Variants in YWHAQ observed in about 807,000 individuals in gnomAD.
YWHAQ encodes 14-3-3 protein theta.
YWHAQ carries 6 observed loss-of-function variants against 28.3 expected under a neutral mutation model. The ratio of observed to expected loss-of-function variants is 0.21; its 90% confidence interval spans 0.12 to 0.42. The LOEUF (loss-of-function observed/expected upper bound fraction) is 0.42. YWHAQ is among the 10% of genes least tolerant of loss of function. The pLI, the probability that YWHAQ is intolerant of heterozygous loss-of-function variation, is 1.00. For synonymous variants in YWHAQ, 143 were observed against 119.1 expected, an observed-to-expected ratio of 1.20 and a Z score of -1.31; for missense variants, 201 against 305.6, an observed-to-expected ratio of 0.66 and a Z score of 2.55.
chr2:9,595,781 T>G (rs1666558095), intron 2 of YWHAQ, among the ~76,000 whole-genome samples: 1 of 151,806 alleles, frequency 6.6e-6, no homozygotes, highest in South Asian at 2.1e-4. Flanking sequence ...GTTATTCTTA[T>G]CAATTAAGCA....
intron 2 of YWHAQ, among the ~76,000 whole-genome samples, chr2:9,603,956 G>A (rs1324570012): frequency 6.6e-6 from 1 of 152,042 alleles, no homozygotes; most frequent in African/African-American, 2.4e-5. Context: ...CTAAAACTTT[G>A]TCTTTAAATG....
intron 2 of YWHAQ, among the ~76,000 whole-genome samples, chr2:9,602,152 T>G (rs1369003816): frequency 6.6e-6 from 1 of 151,810 alleles, no homozygotes; most frequent in African/African-American, 2.4e-5. Flanking sequence ...CCTGGCCAGG[T>G]GTGGTGGCTC....
chr2:9,626,517 C>T (rs892187574), intron 2 of YWHAQ, among the ~76,000 whole-genome samples: 7 of 152,266 alleles, frequency 4.6e-5, no homozygotes, highest in Non-Finnish European at 7.3e-5. Flanking sequence ...CAACCTTCGC[C>T]TCCCAGATTC....
chr2:9,625,606 T>C (rs557701801), intron 2 of YWHAQ, among the ~76,000 whole-genome samples: 12 of 152,322 alleles, frequency 7.9e-5, no homozygotes, highest in African/African-American at 2.9e-4. Context: ...ACTAGCTTTG[T>C]AATCTTGACC....
At chr2:9,613,638 T>C (rs568995391) in intron 2 of YWHAQ, among the ~76,000 whole-genome samples, 1 of 152,300 alleles carries the variant, frequency 6.6e-6, no homozygotes, top group East Asian at 1.9e-4. Flanking sequence ...TTTCTCGACA[T>C]CTTTTCCCAG....
At chr2:9,622,090 C>T (rs778070881) in intron 2 of YWHAQ, among the ~76,000 whole-genome samples, 32 of 151,788 alleles carry the variant, frequency 2.1e-4, no homozygotes, top group Admixed American at 3.3e-4. Flanking sequence ...ATGTAGATGA[C>T]GGGCTGATGG....
intron 2 of YWHAQ, among the ~76,000 whole-genome samples, chr2:9,602,144 T>C (rs1666705989): frequency 6.6e-6 from 1 of 151,842 alleles, no homozygotes; most frequent in African/African-American, 2.4e-5. Context: ...TAATAACTCC[T>C]GGCCAGGTGT....
rs1182062217 is a variant in YWHAQ, at chr2:9,630,548, GGGCGGCGA to G, written c.-82-22_-82-15del. The G allele has an allele frequency of 8.0e-7, 1 of 1,254,344 alleles. No individual in the cohort carries two copies. The highest frequency in any genetic ancestry group is 1.5e-5 in the African/African-American group (1 of 65,800). 77.7% of individuals were successfully genotyped at this position (1,254,344 alleles called of 1,614,324 possible). A position where few individuals can be genotyped will look rare whatever the true frequency, so the allele number is the denominator to read the frequency against. On this transcript the variant is annotated splice_polypyrimidine_tract_variant and intron_variant, in intron 1 of 5. Transcript: ENST00000238081. The surrounding 1 kb of genome is among the most constrained non-coding windows in gnomAD (Gnocchi z 5.6). ...GAGCCTCGAGAGCTGCGGAGGGGCGGGGCGGCGAGGCGAGAACAAAAAGCAGAGAGGGA... is the reference window on the plus strand; with the variant it reads ...GAGCCTCGAGAGCTGCGGAGGGGCGGGGCGAGAACAAAAAGCAGAGAGGGA...
chr2:9,630,685 G>C lies in YWHAQ; in HGVS notation c.-82-151C>G. ...CCCTCCCCCGCTGGGCACCCGGGGA[G>C]GCCGCGGCCCGCGGCTGGAGGAGGC... On this transcript the variant is annotated intron_variant, in intron 1 of 5. Transcript: ENST00000238081. This position sits in a 1 kb window ranked among gnomAD's most constrained non-coding sequence, Gnocchi z 5.6. The C allele has an allele frequency of 3.3e-6, 1 of 303,496 alleles. No individual in the cohort carries two copies. The allele number at this position is 303,496 out of a possible 1,614,324, so 18.8% of individuals were successfully genotyped here.
intron 2 of YWHAQ, among the ~76,000 whole-genome samples, chr2:9,617,926 C>CAA (rs771069949): frequency 4.8e-5 from 6 of 123,714 alleles, no homozygotes; most frequent in African/African-American, 1.8e-4. Flanking sequence ...GACCCTCTGC[C>CAA]AAAAAAAAAA....
chr2:9,620,239 A>T (rs567021357), intron 2 of YWHAQ, among the ~76,000 whole-genome samples: 2 of 152,364 alleles, frequency 1.3e-5, no homozygotes, highest in South Asian at 4.1e-4. Context: ...TACAGGAGAC[A>T]GAATGTTCAA....
chr2:9,629,648 G>A (rs1667318637), intron 2 of YWHAQ, among the ~76,000 whole-genome samples: 1 of 152,102 alleles, frequency 6.6e-6, no homozygotes, highest in South Asian at 2.1e-4. Context: ...GTTTATGGGG[G>A]GTGGGGGGGA....
In YWHAQ at chr2:9,584,384, C is replaced by A. The variant is rs1666304381; in HGVS notation, c.*902G>T. The A allele has an allele frequency of 6.6e-6, 1 of 152,646 alleles. No individual in the cohort carries two copies. Among genetic ancestry groups the A allele is most frequent in the Non-Finnish European group, 1.5e-5 (1 of 68,042 alleles). The allele number at this position is 152,646 out of a possible 1,614,324, so 9.5% of individuals were successfully genotyped here. On this transcript the variant is annotated 3_prime_UTR_variant, in exon 6 of 6. Coordinates refer to ENST00000238081, the MANE Select transcript of YWHAQ (RefSeq NM_006826.4). ...TTAGCAACACACAATAGTGGTCCAACTCTCTAAATAACAATCACTAGACAA... is the reference window on the plus strand; with the variant it reads ...TTAGCAACACACAATAGTGGTCCAAATCTCTAAATAACAATCACTAGACAA...
chr2:9,585,905 C>A (rs1558539907), intron 5 of YWHAQ, among the ~76,000 whole-genome samples: 3 of 117,932 alleles, frequency 2.5e-5, no homozygotes, highest in Admixed American at 1.6e-4. Flanking sequence ...AGGGTGAGAT[C>A]CTTTCTCAAA....
Position 9,585,355 on chromosome 2 carries a change from G to A in YWHAQ, c.679-10C>T, listed in dbSNP as rs770242992. The A allele has an allele frequency of 2.5e-6, 4 of 1,613,812 alleles. No individual in the cohort carries two copies. In the African/African-American group the frequency reaches 5.3e-5, roughly 22 times the overall value. ...TGTCTGATGTCCAAAGCTAGAAAAAGAAGAATCATATTAAGTTACTATTTC... is the reference window on the plus strand; with the variant it reads ...TGTCTGATGTCCAAAGCTAGAAAAAAAAGAATCATATTAAGTTACTATTTC... On this transcript the variant is annotated splice_polypyrimidine_tract_variant and intron_variant, in intron 5 of 5. Transcript: ENST00000238081.
rs758266612 is a variant in YWHAQ, at chr2:9,616,769, G to A, written c.294+13390C>T. 4.6e-5 allele frequency among the ~76,000 whole-genome samples: 7 copies of A among 152,322 alleles called. 1 individual carries two copies. The highest frequency in any genetic ancestry group is 3.4e-3 in the Middle Eastern group (1 of 294). ...AACTCTCTTACACTGTGGTGGGAAT[G>A]TAAGATAGTACAGCCACTTCGGAAA... On this transcript the variant is annotated intron_variant, in intron 2 of 5. Transcript: ENST00000238081.
chr2:9,585,776 G>T (rs758136294), intron 5 of YWHAQ, among the ~76,000 whole-genome samples: 15 of 151,998 alleles, frequency 9.9e-5, no homozygotes, highest in Non-Finnish European at 2.2e-4. Flanking sequence ...CCAGGTACGG[G>T]GTGGTGTGTG....
chr2:9,622,125 G>T (rs1667153651), intron 2 of YWHAQ, among the ~76,000 whole-genome samples: 1 of 151,494 alleles, frequency 6.6e-6, no homozygotes, highest in South Asian at 2.1e-4. Flanking sequence ...CATGGCACAT[G>T]TATACCTATG....
chr2:9,612,965 G>A lies in YWHAQ; in HGVS notation c.294+17194C>T, dbSNP rs947600865. Among the ~76,000 whole-genome samples the A allele has an allele frequency of 1.6e-4, 24 of 152,068 alleles. 1 individual carries two copies. Among genetic ancestry groups the A allele is most frequent in the Non-Finnish European group, 5.9e-5 (4 of 68,014 alleles). ...TACCAACAAACAATAAACATGGCTC[G>A]ATCATGTCTCTTTGCCTGACTTAAT... On this transcript the variant is annotated intron_variant, in intron 2 of 5. Coordinates refer to ENST00000238081, the MANE Select transcript of YWHAQ (RefSeq NM_006826.4).
Sources: gnomAD v4.1 joint callset for allele counts (sites outside exome capture counted in the v4.1 genomes callset) on GRCh38, gnomAD v4.1.1 for gene constraint, Gnocchi (gnomAD v3.1) non-coding constraint, MANE v1.5 for transcripts, NCBI Gene and HGNC (gene_info 2026-07-23, HGNC 2026-07-21) for gene names.